Variants in NXPH1 observed in about 807,000 individuals in gnomAD.
The protein encoded by NXPH1 is neurexophilin-1.
In NXPH1, 5 loss-of-function variants were observed where a neutral mutation model predicts 23.7. That is an observed-to-expected ratio of 0.21 (90% confidence interval 0.11 to 0.44). The LOEUF (loss-of-function observed/expected upper bound fraction) is 0.44. Ranked by LOEUF, NXPH1 falls within the 20% of genes least tolerant of loss-of-function variation. NXPH1 has a pLI of 0.99. For synonymous variants in NXPH1, 144 were observed against 122.2 expected, an observed-to-expected ratio of 1.18 and a Z score of -1.18; for missense variants, 324 against 321.6, an observed-to-expected ratio of 1.01 and a Z score of -0.06.
At chr7:8,503,886 C>T (rs12532082) in intron 2 of NXPH1, among the ~76,000 whole-genome samples, 21,263 of 151,950 alleles carry the variant, frequency 0.14, 1,716 homozygotes, top group East Asian at 0.22. Flanking sequence ...CCAATGCTTC[C>T]TTAGGCACTG....
At chr7:8,612,248 T>TCTTCCTACCTTCCTTC in intron 2 of NXPH1, among the ~76,000 whole-genome samples, 1 of 151,460 alleles carries the variant, frequency 6.6e-6, no homozygotes, top group African/African-American at 2.4e-5. Flanking sequence ...CCCCTTCCTT[T>TCTTCCTACCTTCCTTC]CTTCCTACCT....
At chr7:8,644,462 A>C (rs1040190327) in intron 2 of NXPH1, among the ~76,000 whole-genome samples, 1 of 152,048 alleles carries the variant, frequency 6.6e-6, no homozygotes. Context: ...AGTTTCTCTC[A>C]GTTTGATCGT....
intron 2 of NXPH1, among the ~76,000 whole-genome samples, chr7:8,635,342 G>A (rs1048865185): frequency 6.6e-6 from 1 of 152,178 alleles, no homozygotes; most frequent in Admixed American, 6.5e-5. Flanking sequence ...TATTTGGTTA[G>A]ACAGCTATTG....
At chr7:8,508,240 T>C (rs933561914) in intron 2 of NXPH1, among the ~76,000 whole-genome samples, 4 of 152,146 alleles carry the variant, frequency 2.6e-5, no homozygotes, top group Non-Finnish European at 5.9e-5. Flanking sequence ...TTTATAGGTA[T>C]ATTTCAACCC....
At chr7:8,504,442 C>G (rs1007110049) in intron 2 of NXPH1, among the ~76,000 whole-genome samples, 1 of 151,888 alleles carries the variant, frequency 6.6e-6, no homozygotes, top group Admixed American at 6.6e-5. Context: ...ATTAGATTTA[C>G]TGAGCAGAAA....
Position 8,457,555 on chromosome 7 carries a change from T to A in NXPH1, c.54+21788T>A, listed in dbSNP as rs1207506714. On this transcript the variant is annotated intron_variant, in intron 2 of 2. Coordinates refer to ENST00000405863, the MANE Select transcript of NXPH1 (RefSeq NM_152745.3). Reference sequence around the variant, plus strand: ...CCCTAATTCTTAGTTTTTTTTTTTTTAATTTTATTAAAAAAAAACTTGAAA... The same window carrying A: ...CCCTAATTCTTAGTTTTTTTTTTTTAAATTTTATTAAAAAAAAACTTGAAA... Among the ~76,000 whole-genome samples, 10 of 150,650 alleles carry A rather than the reference T, an allele frequency of 6.6e-5. No homozygotes were observed. In the South Asian group the frequency reaches 2.1e-3, roughly 32 times the overall value.
intron 2 of NXPH1, among the ~76,000 whole-genome samples, chr7:8,552,619 A>G (rs527392224): frequency 5.5e-4 from 84 of 151,664 alleles, no homozygotes; most frequent in African/African-American, 2.0e-3. Flanking sequence ...TTTCACTCTA[A>G]AATGGGCAAT....
At chr7:8,677,406 G>C (rs1477816313) in intron 2 of NXPH1, among the ~76,000 whole-genome samples, 3 of 152,166 alleles carry the variant, frequency 2.0e-5, no homozygotes, top group African/African-American at 7.2e-5. Context: ...TTTAAGAAAT[G>C]ACAGACCAAA....
intron 2 of NXPH1, among the ~76,000 whole-genome samples, chr7:8,468,984 TATAAC>T: frequency 6.6e-6 from 1 of 152,092 alleles, no homozygotes; most frequent in Non-Finnish European, 1.5e-5. Flanking sequence ...ATGCAATTGA[TATAAC>T]AATCTTGTTT....
At chr7:8,721,505 G>A (rs1220284863) in intron 2 of NXPH1, among the ~76,000 whole-genome samples, 1 of 152,218 alleles carries the variant, frequency 6.6e-6, no homozygotes, top group Non-Finnish European at 1.5e-5. Flanking sequence ...TGCATTTCTT[G>A]TGGCTCACGC....
At chr7:8,447,874 G>A (rs999060875) in intron 2 of NXPH1, among the ~76,000 whole-genome samples, 1 of 152,166 alleles carries the variant, frequency 6.6e-6, no homozygotes, top group African/African-American at 2.4e-5. Flanking sequence ...GTGCCTCCAG[G>A]TGGCTGATAT....
intron 2 of NXPH1, among the ~76,000 whole-genome samples, chr7:8,461,753 C>A (rs1011007466): frequency 1.4e-5 from 2 of 146,464 alleles, no homozygotes; most frequent in African/African-American, 5.2e-5. Context: ...TGGCGTGAAC[C>A]CGGGAGGCGG....
chr7:8,472,025 T>C (rs1331623298), intron 2 of NXPH1, among the ~76,000 whole-genome samples: 1 of 151,760 alleles, frequency 6.6e-6, no homozygotes, highest in African/African-American at 2.4e-5. Context: ...TATTATTTTA[T>C]CATATTTATA....
At chr7:8,454,542 G>A (rs937329679) in intron 2 of NXPH1, among the ~76,000 whole-genome samples, 1 of 152,120 alleles carries the variant, frequency 6.6e-6, no homozygotes, top group Non-Finnish European at 1.5e-5. Flanking sequence ...ATTAGGGCCA[G>A]TCATGGAGCT....
At chr7:8,568,377 T>A (rs1002738709) in intron 2 of NXPH1, among the ~76,000 whole-genome samples, 1 of 152,052 alleles carries the variant, frequency 6.6e-6, no homozygotes, top group Middle Eastern at 3.4e-3. Context: ...TCTCATGCTT[T>A]CTGCAAATAT....
rs1268745247 is a variant in NXPH1 at position 8,710,703 on chromosome 7, C to T, written c.55-40305C>T. 6.2e-5 allele frequency among the ~76,000 whole-genome samples: 7 copies of T among 113,628 alleles called. 1 individual carries two copies. The highest frequency in any genetic ancestry group is 1.1e-4 in the Non-Finnish European group (7 of 61,032). 74.5% of individuals were successfully genotyped at this position (113,628 alleles called of 152,430 possible). ...CGGAGTCTCGCTCTGTCGCCCAGGC[C>T]GGACTGCGGACTGCAGTGGCGCAAT... On this transcript the variant is annotated intron_variant, in intron 2 of 2. Transcript: ENST00000405863.
chr7:8,659,534 A>G (rs917746224), intron 2 of NXPH1, among the ~76,000 whole-genome samples: 2 of 152,200 alleles, frequency 1.3e-5, no homozygotes, highest in African/African-American at 4.8e-5. Context: ...TTGAACAATG[A>G]GAACACTTGG....
chr7:8,724,560 C>T (rs1480821276), intron 2 of NXPH1, among the ~76,000 whole-genome samples: 1 of 152,212 alleles, frequency 6.6e-6, no homozygotes, highest in Non-Finnish European at 1.5e-5. Context: ...CATCCAACCT[C>T]TCTATTGTGA....
At chr7:8,557,224 C>T (rs1201308952) in intron 2 of NXPH1, among the ~76,000 whole-genome samples, 2 of 151,584 alleles carry the variant, frequency 1.3e-5, no homozygotes, top group African/African-American at 4.8e-5. Context: ...GTGGGTACAT[C>T]CCGGGCTTTT....
Sources: allele counts gnomAD v4.1 joint callset (sites outside exome capture counted in the v4.1 genomes callset), GRCh38; gene constraint gnomAD v4.1.1; transcripts MANE v1.5; gene names NCBI Gene and HGNC (gene_info 2026-07-23, HGNC 2026-07-21).